CNTNAP2: variants seen among roughly 807,000 people sequenced by gnomAD.
CNTNAP2 encodes the protein contactin-associated protein-like 2.
A neutral mutation model predicts 155.2 loss-of-function variants in CNTNAP2; 98 were observed. The observed-to-expected ratio is 0.63, with a 90% CI of 0.54 to 0.75. The LOEUF (loss-of-function observed/expected upper bound fraction) is 0.75, where lower values mean the gene tolerates loss of function less well. Among genes scored for constraint, CNTNAP2 ranks in the 30% least tolerant of loss-of-function variants. CNTNAP2 has a pLI of 0.00. For missense variants in CNTNAP2, 1,727 were observed against 1,688.1 expected (o/e 1.02, Z -0.40); for synonymous variants, 651 against 631.2 (o/e 1.03, Z -0.47).
chr7:146,124,204 A>G (rs1396318868), intron 1 of CNTNAP2, among the ~76,000 whole-genome samples: 3 of 152,182 alleles, frequency 2.0e-5, no homozygotes, highest in African/African-American at 7.2e-5. Flanking sequence ...CTGTGTAACA[A>G]ACCTTCACGT....
In CNTNAP2 at chr7:147,735,236, G is replaced by C. The variant is rs184303983; in HGVS notation, c.2098+95930G>C. On this transcript the variant is annotated intron_variant, in intron 13 of 23. Transcript: ENST00000361727. ...GATATGTTGTGTCTTCATTCTCATTGGTTTCAAAGAACATCTTTATTTCTG... is the reference window on the plus strand; with the variant it reads ...GATATGTTGTGTCTTCATTCTCATTCGTTTCAAAGAACATCTTTATTTCTG... Among the ~76,000 whole-genome samples, 29 of 152,104 alleles carry C rather than the reference G, an allele frequency of 1.9e-4. No individual in the cohort carries two copies. The East Asian group carries it at 5.4e-3, about 28-fold the overall frequency.
intron 16 of CNTNAP2, among the ~76,000 whole-genome samples, chr7:148,137,304 C>A (rs991105507): frequency 2.0e-5 from 3 of 152,172 alleles, no homozygotes; most frequent in African/African-American, 7.2e-5. Flanking sequence ...TCTCTTGTGA[C>A]GATTCTAAGG....
intron 10 of CNTNAP2, among the ~76,000 whole-genome samples, chr7:147,476,725 G>A (rs977297507): frequency 3.3e-5 from 5 of 151,978 alleles, no homozygotes; most frequent in Non-Finnish European, 5.9e-5. Context: ...TCAGGAGTTC[G>A]AGACCAGCCT....
intron 1 of CNTNAP2, among the ~76,000 whole-genome samples, chr7:146,592,688 G>A (rs541908430): frequency 5.4e-4 from 82 of 152,254 alleles, no homozygotes; most frequent in Middle Eastern, 3.4e-3. Context: ...AATGAGGAAA[G>A]ACTGCAATTT....
At chr7:146,630,181 T>G (rs1799488213) in intron 1 of CNTNAP2, among the ~76,000 whole-genome samples, 1 of 152,086 alleles carries the variant, frequency 6.6e-6, no homozygotes, top group Non-Finnish European at 1.5e-5. Context: ...CCCCTACCTG[T>G]GTCCATGTGT....
At chr7:146,574,484 T>C (rs1798492084) in intron 1 of CNTNAP2, among the ~76,000 whole-genome samples, 1 of 152,118 alleles carries the variant, frequency 6.6e-6, no homozygotes, top group African/African-American at 2.4e-5. Context: ...GGGTGAATAA[T>C]GAGGTCAAGA....
chr7:146,357,224 C>G (rs1271677805), intron 1 of CNTNAP2, among the ~76,000 whole-genome samples: 3 of 112,724 alleles, frequency 2.7e-5, no homozygotes, highest in African/African-American at 1.2e-4. Flanking sequence ...TGACAACATA[C>G]AGTGCTCCAA....
chr7:146,904,544 T>A (rs1796077979), intron 3 of CNTNAP2, among the ~76,000 whole-genome samples: 1 of 152,160 alleles, frequency 6.6e-6, no homozygotes, highest in African/African-American at 2.4e-5. Flanking sequence ...CGATCTCGGC[T>A]CACTGCAAGC....
At position 146,593,148 on chromosome 7, in the gene CNTNAP2, G is replaced by T. The variant is rs145898606; in HGVS notation, c.98-181123G>T. Among the ~76,000 whole-genome samples the T allele has an allele frequency of 5.3e-5, 8 of 150,894 alleles. No homozygotes were observed. In the Admixed American group the frequency reaches 5.3e-4, roughly 10 times the overall value. On this transcript the variant is annotated intron_variant, in intron 1 of 23. Transcript: ENST00000361727. ...GGGGTATAGTTACCCTGTTTACTAT[G>T]TTTATTATTATTATTATTAATATTA...
chr7:146,203,635 C>T (rs1481282405), intron 1 of CNTNAP2, among the ~76,000 whole-genome samples: 1 of 152,078 alleles, frequency 6.6e-6, no homozygotes, highest in South Asian at 2.1e-4. Flanking sequence ...TGCTGATCAC[C>T]TTAACCTTCA....
chr7:147,017,054 T>C (rs1434974876), intron 3 of CNTNAP2, among the ~76,000 whole-genome samples: 1 of 151,758 alleles, frequency 6.6e-6, no homozygotes, highest in Non-Finnish European at 1.5e-5. Context: ...AAGAAATCAA[T>C]GTAAAGGATT....
chr7:146,386,665 C>T (rs1357803016), intron 1 of CNTNAP2, among the ~76,000 whole-genome samples: 4 of 152,172 alleles, frequency 2.6e-5, no homozygotes, highest in African/African-American at 7.2e-5. Context: ...GGATTACAGG[C>T]GTGAGCCACC....
chr7:147,671,642 G>C (rs1263196067), intron 13 of CNTNAP2: 1 of 152,114 alleles, frequency 6.6e-6, no homozygotes, highest in African/African-American at 2.4e-5. Context: ...ATAGCACATA[G>C]AGCATGCGTA....
intron 15 of CNTNAP2, among the ~76,000 whole-genome samples, chr7:148,061,835 C>A (rs1585104340): frequency 6.9e-6 from 1 of 144,880 alleles, no homozygotes; most frequent in African/African-American, 2.6e-5. Flanking sequence ...GTCTAGATAC[C>A]TAGATAGTTA....
At chr7:146,653,212 A>C (rs1406908206) in intron 1 of CNTNAP2, among the ~76,000 whole-genome samples, 2 of 152,184 alleles carry the variant, frequency 1.3e-5, no homozygotes, top group Non-Finnish European at 2.9e-5. Flanking sequence ...GAAAGTAGTC[A>C]TTCTTCAGTG....
intron 13 of CNTNAP2, among the ~76,000 whole-genome samples, chr7:147,783,299 A>T (rs1457750119): frequency 6.6e-6 from 1 of 152,134 alleles, no homozygotes; most frequent in African/African-American, 2.4e-5. Context: ...TTTAGTTGCT[A>T]TTGTTGTTTT....
chr7:146,734,320 T>C (rs1216359863), intron 1 of CNTNAP2, among the ~76,000 whole-genome samples: 1 of 152,086 alleles, frequency 6.6e-6, no homozygotes. Context: ...GTTAAAATTG[T>C]TTTCAAAAAG....
At chr7:146,348,944 A>G (rs906361233) in intron 1 of CNTNAP2, among the ~76,000 whole-genome samples, 9 of 151,922 alleles carry the variant, frequency 5.9e-5, no homozygotes, top group African/African-American at 2.2e-4. Context: ...CATCAGTTTC[A>G]AATAATCTTG....
In CNTNAP2 at chr7:146,930,663, T is replaced by C. The variant is rs552980509; in HGVS notation, c.402+90759T>C. ...GGCAAATTGGATAAAGAGTCAAGAC[T>C]TATCAGTGTGCTGTATTCAGGAAAC... On this transcript the variant is annotated intron_variant, in intron 3 of 23. Coordinates refer to ENST00000361727, the MANE Select transcript of CNTNAP2 (RefSeq NM_014141.6). 1.8e-3 allele frequency among the ~76,000 whole-genome samples: 275 copies of C among 152,262 alleles called. 3 individuals are homozygous for C. Among genetic ancestry groups the C allele is most frequent in the African/African-American group, 5.8e-3 (242 of 41,532 alleles).
Sources: gnomAD v4.1 joint callset for allele counts (sites outside exome capture counted in the v4.1 genomes callset) on GRCh38, gnomAD v4.1.1 for gene constraint, MANE v1.5 for transcripts, NCBI Gene and HGNC (gene_info 2026-07-23, HGNC 2026-07-21) for gene names.